The following WDR88 variants were observed in gnomAD, a reference collection of about 807,000 sequenced individuals.
WDR88 encodes WD repeat domain 88, also known as WD repeat-containing protein 88.
A neutral mutation model predicts 46.8 loss-of-function variants in WDR88; 40 were observed. The observed-to-expected ratio is 0.86, with a 90% confidence interval of 0.66 to 1.11. The LOEUF (loss-of-function observed/expected upper bound fraction) is 1.11, where lower values mean the gene tolerates loss of function less well. WDR88 is among the 50% of genes most tolerant of loss of function. The pLI, the probability that WDR88 is intolerant of heterozygous loss-of-function variation, is 0.00. For missense variants in WDR88, 562 were observed against 602.4 expected (o/e 0.93, Z 0.70); for synonymous variants, 235 against 240.7 (o/e 0.98, Z 0.22).
intron 2 of WDR88, among the ~76,000 whole-genome samples, chr19:33,143,713 GAAACACATGA>G (rs1228271908): frequency 1.3e-5 from 2 of 151,628 alleles, no homozygotes; most frequent in Non-Finnish European, 2.9e-5. Context: ...TTTATTACAG[GAAACACATGA>G]AAACACAAGA....
At chr19:33,174,451 C>T in intron 10 of WDR88, 1 of 985,424 alleles carries the variant, frequency 1.0e-6, no homozygotes, top group Non-Finnish European at 1.2e-6. Flanking sequence ...GGGGCCTCTG[C>T]CCATGGCCTA....
chr19:33,172,025 A>G (rs1303386147), intron 9 of WDR88, among the ~76,000 whole-genome samples: 1 of 152,146 alleles, frequency 6.6e-6, no homozygotes, highest in Non-Finnish European at 1.5e-5. Flanking sequence ...TGGCCTCTCA[A>G]AGTGGTCGGA....
intron 6 of WDR88, among the ~76,000 whole-genome samples, chr19:33,154,628 G>A (rs992391987): frequency 2.0e-5 from 3 of 152,156 alleles, no homozygotes; most frequent in South Asian, 4.1e-4. Flanking sequence ...GGGTTGACAC[G>A]AAGTCTTTGC....
At chr19:33,168,626 A>C (rs1170067120) in intron 9 of WDR88, among the ~76,000 whole-genome samples, 1 of 152,238 alleles carries the variant, frequency 6.6e-6, no homozygotes. Flanking sequence ...ACTTGAATGA[A>C]TGGAAAGACA....
Position 33,132,341 on chromosome 19 carries a change from C to T in WDR88, c.172C>T (p.Leu58Phe), listed in dbSNP as rs763686538. 1.2e-6 allele frequency: 2 copies of T among 1,614,042 alleles called. No homozygotes were observed. Among genetic ancestry groups the T allele is most frequent in the Non-Finnish European group, 1.7e-6 (2 of 1,180,040 alleles). ...SIPHTHLLATLDPLALDREPP... is the reference protein window; with the variant it reads ...SIPHTHLLATFDPLALDREPP... ...CCCGCACACGCACCTGCTGGCCACCCTCGACCCCCTGGCCTTGGACAGGGA... is the reference window on the plus strand; with the variant it reads ...CCCGCACACGCACCTGCTGGCCACCTTCGACCCCCTGGCCTTGGACAGGGA... The change falls in exon 1 of 11, where the codon CTC becomes TTC. Residue 58 changes from leucine (L) to phenylalanine (F), a missense_variant. Physicochemically the swap from Leu to Phe is conservative, Grantham distance 22. Coordinates refer to ENST00000355868, the MANE Select transcript of WDR88 (RefSeq NM_173479.4).
intron 9 of WDR88, among the ~76,000 whole-genome samples, chr19:33,170,427 G>A (rs1325736993): frequency 6.0e-5 from 9 of 151,190 alleles, no homozygotes; most frequent in East Asian, 2.0e-4. Context: ...TGATTCGACC[G>A]CGTTGGCCTC....
intron 7 of WDR88, among the ~76,000 whole-genome samples, chr19:33,157,204 A>T (rs1973752159): frequency 1.4e-5 from 2 of 144,760 alleles, no homozygotes; most frequent in Admixed American, 7.0e-5. Flanking sequence ...GTCTAAAAAG[A>T]AAAAAAAAAA....
intron 9 of WDR88, 91 bp downstream of exon 9, chr19:33,164,356 G>T: frequency 1.6e-6 from 2 of 1,248,740 alleles, no homozygotes; most frequent in Non-Finnish European, 2.3e-6. Flanking sequence ...TCCTGGGTGG[G>T]TTCGGTGAGC....
chr19:33,147,147 G>T (rs1264678787), intron 3 of WDR88, among the ~76,000 whole-genome samples: 1 of 151,994 alleles, frequency 6.6e-6, no homozygotes, highest in African/African-American at 2.4e-5. Flanking sequence ...TGAGGTAGGA[G>T]GATCACTTGA....
intron 9 of WDR88, among the ~76,000 whole-genome samples, chr19:33,167,741 TTTCTC>T (rs1973976283): frequency 6.6e-6 from 1 of 150,832 alleles, no homozygotes; most frequent in East Asian, 1.9e-4. Flanking sequence ...TCCCTCCTCT[TTTCTC>T]TTCTCTCCTC....
At position 33,141,768 on chromosome 19, in the gene WDR88, C is replaced by A. The variant is rs186072056; in HGVS notation, c.388-3076C>A. On this transcript the variant is annotated intron_variant, in intron 2 of 10. Coordinates refer to ENST00000355868, the MANE Select transcript of WDR88 (RefSeq NM_173479.4). ...TGGTCTCGGCTCACTGCAACCTCTG[C>A]CTCCTGAGTTCAAGCGATTCTCCTG... Among the ~76,000 whole-genome samples the A allele has an allele frequency of 1.9e-3, 294 of 152,244 alleles. 1 individual carries two copies. Among genetic ancestry groups the A allele is most frequent in the African/African-American group, 6.8e-3 (284 of 41,546 alleles).
At chr19:33,138,993 C>G (rs1973335167) in intron 2 of WDR88, among the ~76,000 whole-genome samples, 2 of 152,130 alleles carry the variant, frequency 1.3e-5, no homozygotes, top group African/African-American at 4.8e-5. Flanking sequence ...CCCCACACAC[C>G]TGTCAGAGAA....
intron 6 of WDR88, 106 bp from the exon 7 acceptor site, chr19:33,156,249 A>C: frequency 1.7e-6 from 2 of 1,202,390 alleles, no homozygotes; most frequent in Non-Finnish European, 2.3e-6. Flanking sequence ...TAGCATGTGC[A>C]GCCCGACCAT....
intron 2 of WDR88, among the ~76,000 whole-genome samples, chr19:33,140,044 T>G (rs753337381): frequency 6.6e-6 from 1 of 152,178 alleles, no homozygotes; most frequent in Non-Finnish European, 1.5e-5. Flanking sequence ...GTAGCTGTCC[T>G]TATGGACACC....
chr19:33,172,598 A>T (rs1314835028), intron 10 of WDR88, among the ~76,000 whole-genome samples, 158 bp downstream of exon 10: 2 of 152,218 alleles, frequency 1.3e-5, no homozygotes, highest in African/African-American at 4.8e-5. Context: ...AAGAGAGGAA[A>T]CAAAGAGGAA....
At chr19:33,152,900 A>C in intron 6 of WDR88, among the ~76,000 whole-genome samples, 1 of 152,124 alleles carries the variant, frequency 6.6e-6, no homozygotes, top group East Asian at 1.9e-4. Context: ...TTGATGACTG[A>C]ATAGTACTGC....
At chr19:33,149,061 G>T (rs1973578522) in intron 5 of WDR88, 151 bp downstream of exon 5, 7 of 1,296,464 alleles carry the variant, frequency 5.4e-6, no homozygotes, top group Non-Finnish European at 7.3e-6. Context: ...AGGTGCGGTG[G>T]CTGGGATTGC....
chr19:33,154,780 A>G (rs1055113178), intron 6 of WDR88, among the ~76,000 whole-genome samples: 1 of 152,174 alleles, frequency 6.6e-6, no homozygotes, highest in African/African-American at 2.4e-5. Context: ...AACCTCCATG[A>G]TATGCCAGCA....
intron 2 of WDR88, among the ~76,000 whole-genome samples, chr19:33,143,992 A>C (rs975037354): frequency 6.6e-6 from 1 of 152,146 alleles, no homozygotes; most frequent in Non-Finnish European, 1.5e-5. Flanking sequence ...CTGGGTCCAC[A>C]GGGATGGGGT....
Sources: allele counts gnomAD v4.1 joint callset (sites outside exome capture counted in the v4.1 genomes callset), GRCh38; gene constraint gnomAD v4.1.1; transcripts MANE v1.5; gene names NCBI Gene and HGNC (gene_info 2026-07-23, HGNC 2026-07-21).